SI: variants seen among roughly 807,000 people sequenced by gnomAD.
SI encodes the protein sucrase-isomaltase.
In SI, 235 loss-of-function variants were observed where a neutral mutation model predicts 253.3. The observed-to-expected ratio is 0.93, with a 90% CI of 0.83 to 1.03. SI has a LOEUF of 1.03. SI is among the 50% of genes least tolerant of loss of function. The pLI, the probability that SI is intolerant of heterozygous loss-of-function variation, is 0.00. For synonymous variants in SI, 819 were observed against 712.0 expected (o/e 1.15, Z -2.39); for missense variants, 2,442 against 2,211.1 (o/e 1.10, Z -2.09).
chr3:165,085,974 C>T, the SI span, among the ~76,000 whole-genome samples: 1 of 152,012 alleles, frequency 6.6e-6, no homozygotes, highest in Non-Finnish European at 1.5e-5. Flanking sequence ...GAAATCCTGG[C>T]CAGGTGTGGT....
chr3:165,041,593 G>C (rs540414466), intron 17 of SI, among the ~76,000 whole-genome samples: 1 of 152,036 alleles, frequency 6.6e-6, no homozygotes, highest in Non-Finnish European at 1.5e-5. Context: ...ATTGCTATTA[G>C]AATTATCACA....
In SI at chr3:165,012,987, G is replaced by C. The variant is rs771288063; in HGVS notation, c.4055C>G (p.Ala1352Gly). Residue 1352 changes from alanine to glycine, a missense_variant, in exon 34 of 48, where the codon GCT becomes GGT. By Grantham distance (60) the Ala-to-Gly change is moderately conservative (BLOSUM62 0). Transcript: ENST00000264382. The stretch of plus-strand genomic sequence containing the variant: ...AGCCCGTGTAAAACTTACATTAACA[G>C]CTTCATCTTCCGTTAGAGTTTTATC... ...TIDKTLTEDE[A>G]VNASRAHVAF... 4.4e-6 allele frequency: 7 copies of C among 1,602,056 alleles called. No homozygotes were observed. Among genetic ancestry groups the C allele is most frequent in the Non-Finnish European group, 6.0e-6 (7 of 1,169,202 alleles).
At position 164,991,263 on chromosome 3, in the gene SI, G is replaced by T. The variant is rs140017450; in HGVS notation, c.5108+90C>A. The stretch of plus-strand genomic sequence containing the variant: ...AGGCTAATGTACTAGCTTGGCGATG[G>T]GTTAAAATTTCAAACCCTTTCTATT... On this transcript the variant is annotated intron_variant, in intron 44 of 47. Transcript: ENST00000264382. The T allele has an allele frequency of 8.3e-5, 120 of 1,443,676 alleles. No individual in the cohort carries two copies. In the African/African-American group the frequency reaches 1.4e-3, roughly 17 times the overall value. The allele number at this position is 1,443,676 out of a possible 1,614,324, so 89.4% of individuals were successfully genotyped here.
chr3:165,071,790 T>C (rs1714595239), intron 3 of SI, among the ~76,000 whole-genome samples: 1 of 152,102 alleles, frequency 6.6e-6, no homozygotes, highest in African/African-American at 2.4e-5. Flanking sequence ...AGAAGGAAGC[T>C]GTCTACAAGC....
chr3:165,022,342 A>G (rs1711667130), intron 26 of SI, among the ~76,000 whole-genome samples: 1 of 151,680 alleles, frequency 6.6e-6, no homozygotes, highest in Admixed American at 6.6e-5. Flanking sequence ...CTAGCCAGAT[A>G]CAAAATAAAT....
chr3:165,029,839 G>T (rs1417288709), intron 25 of SI, among the ~76,000 whole-genome samples: 1 of 150,232 alleles, frequency 6.7e-6, no homozygotes, highest in African/African-American at 2.4e-5. Context: ...GTTTAGAGAA[G>T]TGAACTTCAC....
At chr3:164,991,046 T>C (rs969961384) in intron 44 of SI, among the ~76,000 whole-genome samples, 4 of 152,116 alleles carry the variant, frequency 2.6e-5, no homozygotes, top group African/African-American at 9.7e-5. Flanking sequence ...AGACAGGGTT[T>C]TCCTAAACCT....
At chr3:165,004,213 G>C (rs1027658795) in intron 37 of SI, among the ~76,000 whole-genome samples, 1 of 152,032 alleles carries the variant, frequency 6.6e-6, no homozygotes, top group Non-Finnish European at 1.5e-5. Context: ...CAACATCATC[G>C]ATCATCAGAG....
At chr3:165,012,860 A>G (rs985521990) in intron 34 of SI, 120 bp downstream of exon 34, 6 of 766,282 alleles carry the variant, frequency 7.8e-6, no homozygotes, top group Non-Finnish European at 1.2e-5. Context: ...TCTGATATCG[A>G]TAATTTAAAA....
chr3:164,998,561 T>A lies in SI; in HGVS notation c.4519A>T (p.Asn1507Tyr). 6.2e-7 allele frequency: 1 copy of A among 1,612,060 alleles called. No individual in the cohort carries two copies. Among genetic ancestry groups the A allele is most frequent in the Non-Finnish European group, 8.5e-7 (1 of 1,178,566 alleles). Residue 1507 changes from asparagine (N) to tyrosine (Y), a missense_variant, in exon 38 of 48, where the codon AAC becomes TAC. By Grantham distance (143) the Asn-to-Tyr change is moderately radical. Transcript: ENST00000264382. Reference protein sequence around the residue: ...WLGDNYARWDNMDKSIIGMME... With the variant: ...WLGDNYARWDYMDKSIIGMME... ...TTACCAATGATTGATTTGTCCATGT[T>A]GTCCCATCGTGCATAGTTGTCTCCA...
At chr3:165,036,178 G>A (rs1712518231) in intron 22 of SI, among the ~76,000 whole-genome samples, 1 of 151,478 alleles carries the variant, frequency 6.6e-6, no homozygotes, top group Non-Finnish European at 1.5e-5. Flanking sequence ...ACAAACAAAA[G>A]CACAAAACTG....
intron 25 of SI, among the ~76,000 whole-genome samples, chr3:165,028,037 C>T (rs1712020829): frequency 6.6e-6 from 1 of 151,076 alleles, no homozygotes; most frequent in African/African-American, 2.4e-5. Flanking sequence ...CTTAGAAAAC[C>T]CTAAAGACTC....
chr3:165,056,911 A>C (rs1175185188), intron 12 of SI, among the ~76,000 whole-genome samples: 2 of 151,854 alleles, frequency 1.3e-5, no homozygotes, highest in Non-Finnish European at 2.9e-5. Context: ...TAAATACCTA[A>C]CTCTTCAGTG....
rs1274978722 is a variant in SI at position 165,062,415 on chromosome 3, G to T, written c.976C>A (p.Leu326Ile). 1 of 1,603,036 alleles carries T rather than the reference G, an allele frequency of 6.2e-7. No individual in the cohort carries two copies. The highest frequency in any genetic ancestry group is 1.7e-5 in the Admixed American group (1 of 59,828). The part of the protein sequence containing the change: ...VTGGILDFYI[L>I]LGDTPEQVVQ... The stretch of plus-strand genomic sequence containing the variant: ...ACTTGTTCTGGTGTATCTCCTAGAA[G>T]GATGTAAAAATCCAGAATGCCACCG... The change falls in exon 9 of 48, where the codon CTT becomes ATT. Residue 326 changes from leucine (L) to isoleucine (I), a missense_variant. Leu to Ile is a conservative substitution (Grantham distance 5, BLOSUM62 2). Coordinates refer to ENST00000264382, the MANE Select transcript of SI (RefSeq NM_001041.4).
In SI at chr3:165,059,192, A is replaced by G; in HGVS notation, c.1254T>C (p.His418=). 1.9e-6 allele frequency: 3 copies of G among 1,612,814 alleles called. No individual in the cohort carries two copies. Among genetic ancestry groups the G allele is most frequent in the Non-Finnish European group, 2.5e-6 (3 of 1,179,276 alleles). The change falls in exon 11 of 48, where the codon CAT becomes CAC. Residue 418 remains histidine, a synonymous_variant. Transcript: ENST00000264382. ...CCAAGATGATGACATATTTCTGTCCATGGTCATGCAAATCTTGCACAAATT... is the reference window on the plus strand; with the variant it reads ...CCAAGATGATGACATATTTCTGTCCGTGGTCATGCAAATCTTGCACAAATT... ...LPQFVQDLHD[H]GQKYVIILDP...
chr3:164,992,114 G>C, intron 43 of SI, 63 bp downstream of exon 43: 1 of 1,340,178 alleles, frequency 7.5e-7, no homozygotes, highest in Non-Finnish European at 1.1e-6. Flanking sequence ...TAATGAAAAG[G>C]CTAGGGCCAA....
In SI at chr3:165,030,791, T is replaced by C. The variant is rs1712187137; in HGVS notation, c.2813A>G (p.Asn938Ser). 2.5e-6 allele frequency: 4 copies of C among 1,608,300 alleles called. No individual in the cohort carries two copies. The highest frequency in any genetic ancestry group is 3.4e-6 in the Non-Finnish European group (4 of 1,176,708). The change falls in exon 25 of 48, where the codon AAT becomes AGT. Residue 938 changes from asparagine to serine, a missense_variant. Physicochemically the swap from Asn to Ser is conservative, Grantham distance 46 (BLOSUM62 1). Coordinates refer to ENST00000264382, the MANE Select transcript of SI (RefSeq NM_001041.4). ...ATCTGGATAACAATTAAATCTTTCA[T>C]TTTCTGAGAAAATTTGATTCCATTG... is the stretch of plus-strand genomic sequence containing the variant. Reference protein sequence around the residue: ...SVQWNQIFSENERFNCYPDAD... With the variant: ...SVQWNQIFSESERFNCYPDAD...
At position 165,037,999 on chromosome 3, in the gene SI, T is replaced by C. The variant is rs1332227210; in HGVS notation, c.2327A>G (p.Gln776Arg). 2 of 1,604,284 alleles carry C rather than the reference T, an allele frequency of 1.2e-6. No homozygotes were observed. Among genetic ancestry groups the C allele is most frequent in the East Asian group, 2.2e-5 (1 of 44,584 alleles). The change falls in exon 21 of 48, where the codon CAA becomes CGA. Residue 776 changes from glutamine to arginine, a missense_variant. Gln to Arg is a conservative substitution (Grantham distance 43). Transcript: ENST00000264382. ...ESGAKRPWRK[Q>R]RVDMYLPADK... ...TGCTGGAAGATACATATCAACCCGT[T>C]GTTTCCTCCATGGCCTTTTTGCACC...
intron 8 of SI, among the ~76,000 whole-genome samples, chr3:165,062,769 T>G (rs1166526805): frequency 6.6e-6 from 1 of 152,078 alleles, no homozygotes; most frequent in African/African-American, 2.4e-5. Flanking sequence ...GGATTAGTTC[T>G]CTGGCGACCA....
Sources: allele counts gnomAD v4.1 joint callset (sites outside exome capture counted in the v4.1 genomes callset), GRCh38; gene constraint gnomAD v4.1.1; transcripts MANE v1.5; gene names NCBI Gene and HGNC (gene_info 2026-07-23, HGNC 2026-07-21).